The following NEDD9 variants were observed in gnomAD, a reference collection of about 807,000 sequenced individuals.
The protein encoded by NEDD9 is enhancer of filamentation 1.
In NEDD9, 26 loss-of-function variants were observed where a neutral mutation model predicts 76.6. That is an observed-to-expected ratio of 0.34 (90% CI 0.25 to 0.47). NEDD9 has a LOEUF of 0.47. Ranked by LOEUF, NEDD9 falls within the 20% of genes least tolerant of loss-of-function variation. NEDD9 has a pLI of 1.00. For synonymous variants in NEDD9, 392 were observed against 414.2 expected (o/e 0.95, Z 0.65); for missense variants, 937 against 1,058.5 (o/e 0.89, Z 1.59).
At chr6:11,351,854 G>A (rs1011005772) in intron 1 of NEDD9, among the ~76,000 whole-genome samples, 11 of 152,206 alleles carry the variant, frequency 7.2e-5, no homozygotes, top group Non-Finnish European at 1.5e-4. Flanking sequence ...CTTCATTATA[G>A]GGGCCTCAGC....
chr6:11,291,587 T>C (rs1760773364), intron 3 of NEDD9, among the ~76,000 whole-genome samples: 1 of 152,196 alleles, frequency 6.6e-6, no homozygotes. Context: ...ATGAGATTTT[T>C]AACACGAGCA....
chr6:11,280,279 C>A (rs1361870350), intron 3 of NEDD9, among the ~76,000 whole-genome samples: 1 of 152,178 alleles, frequency 6.6e-6, no homozygotes, highest in Non-Finnish European at 1.5e-5. Context: ...TACCCTGGGG[C>A]CAAGGAACTA....
rs869185428 is a variant in NEDD9 at position 11,291,267 on chromosome 6, G to GTTTTTTTT, written c.12+14717_12+14724dup. Among the ~76,000 whole-genome samples the GTTTTTTTT allele has an allele frequency of 4.2e-4, 40 of 95,828 alleles. 3 individuals are homozygous for GTTTTTTTT. Among genetic ancestry groups the GTTTTTTTT allele is most frequent in the African/African-American group, 1.7e-3 (34 of 19,826 alleles). 62.9% of individuals were successfully genotyped at this position (95,828 alleles called of 152,430 possible). A position where few individuals can be genotyped will look rare whatever the true frequency, so the allele number is the denominator to read the frequency against. ...GAGCACAGGGCAGAAATAGAATGAG[G>GTTTTTTTT]TTTTTTTTTTTTTTTTTTTTTTTTT... On this transcript the variant is annotated intron_variant, in intron 3 of 3. Coordinates refer to the NEDD9 transcript ENST00000397378.
chr6:11,313,069 G>A lies in NEDD9; in HGVS notation c.-152-6914C>T, dbSNP rs911919239. ...TTATTGAAGGTTTGTGAAGTGGATG[G>A]ATGGATAGATGGATTAGTGGGTAGA... is the stretch of plus-strand genomic sequence containing the variant. On this transcript the variant is annotated intron_variant, in intron 2 of 3. Transcript: ENST00000397378. Among the ~76,000 whole-genome samples, 16 of 152,212 alleles carry A rather than the reference G, an allele frequency of 1.1e-4. 1 individual carries two copies. In the East Asian group the frequency reaches 3.1e-3, roughly 29 times the overall value.
chr6:11,369,756 T>G (rs1219034986), intron 1 of NEDD9, among the ~76,000 whole-genome samples: 1 of 152,240 alleles, frequency 6.6e-6, no homozygotes, highest in African/African-American at 2.4e-5. Flanking sequence ...TGCTTTGTAT[T>G]TGATTCACAT....
At chr6:11,291,317 C>A (rs1760763982) in intron 3 of NEDD9, among the ~76,000 whole-genome samples, 1 of 137,436 alleles carries the variant, frequency 7.3e-6, no homozygotes, top group African/African-American at 3.0e-5. Context: ...CTCTGTCGCC[C>A]AGGCTGGAGT....
In NEDD9 at chr6:11,184,951, A is replaced by C; in HGVS notation, c.*211T>G. Reference sequence around the variant, plus strand: ...TACAGTTTATGTCTCAGATACTTCTATGTATACATAAGAACCACTCAGGGG... The same window carrying C: ...TACAGTTTATGTCTCAGATACTTCTCTGTATACATAAGAACCACTCAGGGG... On this transcript the variant is annotated 3_prime_UTR_variant, in exon 7 of 7. Coordinates refer to ENST00000379446, the MANE Select transcript of NEDD9 (RefSeq NM_006403.4). 1.8e-6 allele frequency: 1 copy of C among 546,680 alleles called. No homozygotes were observed. Among genetic ancestry groups the C allele is most frequent in the Admixed American group, 3.4e-5 (1 of 29,724 alleles). 33.9% of individuals were successfully genotyped at this position (546,680 alleles called of 1,614,324 possible).
intron 1 of NEDD9, among the ~76,000 whole-genome samples, chr6:11,371,339 T>C (rs778969199): frequency 5.3e-5 from 8 of 152,184 alleles, no homozygotes; most frequent in Non-Finnish European, 7.3e-5. Context: ...TTCTATGGGA[T>C]TGGGCAAATG....
chr6:11,190,438 C>G lies in NEDD9; in HGVS notation c.1431G>C (p.Pro477=), dbSNP rs373808837. 4 of 1,614,026 alleles carry G rather than the reference C, an allele frequency of 2.5e-6. No homozygotes were observed. The highest frequency in any genetic ancestry group is 3.4e-6 in the Non-Finnish European group (4 of 1,180,040). ...TCATCTTGTTGTGGAGGATGAGTTC[C>G]GGGAGGCAGGCAGCATTTGCAACAG... The part of the protein sequence containing the change: ...KGAVANAACL[P]ELILHNKMKR... Residue 477 remains proline, a synonymous_variant, in exon 5 of 7, where the codon CCG becomes CCC. Coordinates refer to ENST00000379446, the MANE Select transcript of NEDD9 (RefSeq NM_006403.4). This position sits in a 1 kb window ranked among gnomAD's most constrained non-coding sequence, Gnocchi z 5.8.
chr6:11,363,431 G>A lies in NEDD9; in HGVS notation c.-214+18708C>T, dbSNP rs145928019. ...AAAATTCTTATGGATTTGTGGATAC[G>A]TATCCTGAAAAATGAAGGACATCAA... is the stretch of plus-strand genomic sequence containing the variant. On this transcript the variant is annotated intron_variant, in intron 1 of 3. Coordinates refer to the NEDD9 transcript ENST00000397378. Among the ~76,000 whole-genome samples, 537 of 152,196 alleles carry A rather than the reference G, an allele frequency of 3.5e-3. 3 individuals are homozygous for A. Among genetic ancestry groups the A allele is most frequent in the African/African-American group, 0.012 (508 of 41,524 alleles).
At chr6:11,322,460 C>A (rs1343640359) in intron 2 of NEDD9, among the ~76,000 whole-genome samples, 4 of 152,142 alleles carry the variant, frequency 2.6e-5, no homozygotes, top group Non-Finnish European at 4.4e-5. Flanking sequence ...CAGGAGAGGT[C>A]AAGGGGCATC....
At chr6:11,339,567 A>G (rs1489611505) in intron 1 of NEDD9, among the ~76,000 whole-genome samples, 1 of 152,230 alleles carries the variant, frequency 6.6e-6, no homozygotes, top group Non-Finnish European at 1.5e-5. Context: ...ATCCTGCCCC[A>G]CCAGATCATA....
intron 1 of NEDD9, among the ~76,000 whole-genome samples, chr6:11,340,338 A>G (rs1279033843): frequency 2.6e-5 from 4 of 152,338 alleles, no homozygotes; most frequent in African/African-American, 9.6e-5. Flanking sequence ...AGGGTACAGT[A>G]ATAATCATCA....
intron 1 of NEDD9, among the ~76,000 whole-genome samples, chr6:11,347,683 G>C (rs1762388787): frequency 6.6e-6 from 1 of 152,078 alleles, no homozygotes. Flanking sequence ...TAGAACTAAA[G>C]ACAAGACCCA....
intron 3 of NEDD9, among the ~76,000 whole-genome samples, chr6:11,274,247 A>T (rs1362364272): frequency 6.6e-6 from 1 of 152,144 alleles, no homozygotes; most frequent in African/African-American, 2.4e-5. Flanking sequence ...GGGCTAAATG[A>T]CCTGGGCTGT....
chr6:11,272,678 G>A (rs1760334240), intron 3 of NEDD9, among the ~76,000 whole-genome samples: 1 of 152,114 alleles, frequency 6.6e-6, no homozygotes, highest in Non-Finnish European at 1.5e-5. Context: ...CCTTCCACCT[G>A]CCTTGGTGTG....
At chr6:11,229,041 A>G (rs576718064) in intron 1 of NEDD9, among the ~76,000 whole-genome samples, 1 of 152,324 alleles carries the variant, frequency 6.6e-6, no homozygotes, top group South Asian at 2.1e-4. Flanking sequence ...CTCTGTCATT[A>G]TTTTCCTCGG....
chr6:11,192,932 CAAAAAAAAAA>C (rs71550759), intron 3 of NEDD9, among the ~76,000 whole-genome samples: 1 of 28,172 alleles, frequency 3.5e-5, no homozygotes, highest in Admixed American at 5.6e-4. Flanking sequence ...GACTCTGTCT[CAAAAAAAAAA>C]AAAAAAAAAA....
Position 11,213,592 on chromosome 6 carries a change from C to T in NEDD9, c.148G>A (p.Gly50Ser), listed in dbSNP as rs373441149. 2.3e-5 allele frequency: 37 copies of T among 1,613,976 alleles called. No individual in the cohort carries two copies. Among genetic ancestry groups the T allele is most frequent in the Non-Finnish European group, 3.1e-5 (36 of 1,180,024 alleles). ...TTGCCTGGGACAATGCCTTGCCGAC[C>T]GTGTAATGAGCACAGCCACCATCCT... ...LEGWWLCSLH[G>S]RQGIVPGNRV... The change falls in exon 2 of 7, where the codon GGT becomes AGT. Residue 50 changes from glycine to serine, a missense_variant. Transcript: ENST00000379446. This position sits in a 1 kb window ranked among gnomAD's most constrained non-coding sequence, Gnocchi z 5.4.
Sources: allele counts gnomAD v4.1 joint callset (sites outside exome capture counted in the v4.1 genomes callset), GRCh38; gene constraint gnomAD v4.1.1; non-coding constraint Gnocchi (gnomAD v3.1); transcripts MANE v1.5; gene names NCBI Gene and HGNC (gene_info 2026-07-23, HGNC 2026-07-21).